Variants in NRK observed in about 807,000 individuals in gnomAD.
The protein encoded by NRK is nik-related protein kinase.
In NRK, 67 loss-of-function variants were observed where a neutral mutation model predicts 125.2. The ratio of observed to expected loss-of-function variants is 0.54; its 90% confidence interval spans 0.44 to 0.66. The LOEUF (loss-of-function observed/expected upper bound fraction) is 0.66. Ranked by LOEUF, NRK falls within the 30% of genes least tolerant of loss-of-function variation. The pLI is 0.00. For missense variants in NRK, 1,224 were observed against 1,192.9 expected, an observed-to-expected ratio of 1.03 and a Z score of -0.38; for synonymous variants, 458 against 429.0, an observed-to-expected ratio of 1.07 and a Z score of -0.84.
intron 18 of NRK, among the ~76,000 whole-genome samples, chrX:105,923,901 A>ATG (rs1465469671): frequency 1.2e-5 from 1 of 84,501 alleles, no homozygotes; most frequent in Non-Finnish European, 2.2e-5. Context: ...CTATATATAT[A>ATG]TATATATATA....
chrX:105,895,128 T>A, intron 6 of NRK: 1 of 462,176 alleles, frequency 2.2e-6, no homozygotes. Flanking sequence ...TATGGCTAGT[T>A]GGAAATACGG....
At chrX:105,892,028 A>C (rs953320637) in intron 5 of NRK, among the ~76,000 whole-genome samples, 2 of 111,843 alleles carry the variant, frequency 1.8e-5, no homozygotes, top group Non-Finnish European at 3.8e-5. Context: ...GATATGTATT[A>C]GTACTCAGTT....
intron 26 of NRK, among the ~76,000 whole-genome samples, chrX:105,947,442 C>CAAAAAAAAAAAA (rs753072138): frequency 5.6e-5 from 1 of 17,787 alleles, no homozygotes; most frequent in Non-Finnish European, 8.7e-5. Context: ...GACTCCGTCT[C>CAAAAAAAAAAAA]AAAAAAAAAA....
chrX:105,827,420 T>A (rs1158361022), intron 1 of NRK, among the ~76,000 whole-genome samples: 2 of 111,840 alleles, frequency 1.8e-5, no homozygotes, highest in Non-Finnish European at 3.8e-5. Context: ...TTTGGTTCCT[T>A]TTTCTCCTTA....
At chrX:105,901,074 A>G (rs1050149713) in intron 9 of NRK, among the ~76,000 whole-genome samples, 1 of 110,779 alleles carries the variant, frequency 9.0e-6, no homozygotes, top group Non-Finnish European at 1.9e-5. Flanking sequence ...ACACAGTGCT[A>G]CTGCCTCAGG....
intron 26 of NRK, among the ~76,000 whole-genome samples, 175 bp from the exon 27 acceptor site, chrX:105,949,396 TAAAG>T (rs1224615147): frequency 8.9e-6 from 1 of 112,217 alleles, no homozygotes; most frequent in Non-Finnish European, 1.9e-5. Flanking sequence ...ATTTATGACA[TAAAG>T]AAAGCAGCTC....
intron 5 of NRK, among the ~76,000 whole-genome samples, chrX:105,890,330 A>T (rs1260279863): frequency 9.9e-5 from 11 of 111,661 alleles, no homozygotes; most frequent in African/African-American, 2.9e-4. Context: ...GGAAGTTCCA[A>T]ACTTTCCCAC....
intron 1 of NRK, among the ~76,000 whole-genome samples, chrX:105,823,582 G>A (rs992020473): frequency 5.5e-5 from 6 of 109,271 alleles, no homozygotes; most frequent in African/African-American, 2.0e-4. Context: ...ACCAGATTTA[G>A]CTTTTTCTTG....
chrX:105,840,533 G>A (rs970021018), intron 2 of NRK, among the ~76,000 whole-genome samples: 1 of 111,167 alleles, frequency 9.0e-6, no homozygotes, highest in Non-Finnish European at 1.9e-5. Context: ...GGTGGCTTTG[G>A]TCAACCAGAT....
chrX:105,866,953 T>C (rs1277999319), intron 2 of NRK, among the ~76,000 whole-genome samples: 1 of 111,188 alleles, frequency 9.0e-6, no homozygotes, highest in East Asian at 2.8e-4. Context: ...ACACACTTCC[T>C]AACACAGTGT....
intron 2 of NRK, among the ~76,000 whole-genome samples, chrX:105,849,068 A>G (rs768314679): frequency 1.8e-5 from 2 of 111,688 alleles, no homozygotes; most frequent in African/African-American, 6.5e-5. Flanking sequence ...GTCTGTTTTC[A>G]TGCTGCTGAT....
At chrX:105,894,916 A>C (rs1185036239) in intron 6 of NRK, among the ~76,000 whole-genome samples, 1 of 112,172 alleles carries the variant, frequency 8.9e-6, no homozygotes, top group Non-Finnish European at 1.9e-5. Context: ...GTCATGGGTA[A>C]ATTTTAGTGG....
At chrX:105,903,365 A>T (rs2040183224) in intron 9 of NRK, among the ~76,000 whole-genome samples, 1 of 111,238 alleles carries the variant, frequency 9.0e-6, no homozygotes, top group African/African-American at 3.3e-5. Context: ...ACCTGAGTGC[A>T]TTGTGGCTCA....
Position 105,923,899 on chromosome X carries a change from ATATATATATATATATATATATATATATG to A in NRK, c.2975+419_2975+446del, listed in dbSNP as rs1236912233. Among the ~76,000 whole-genome samples the A allele has an allele frequency of 5.1e-3, 431 of 83,923 alleles. 3 individuals carry two copies. The highest frequency in any genetic ancestry group is 4.4e-3 in the Non-Finnish European group (202 of 45,446). 72.9% of individuals were successfully genotyped at this position (83,923 alleles called of 115,157 possible). On this transcript the variant is annotated intron_variant, in intron 18 of 28. Transcript: ENST00000243300. ...AAACTTTTGTGATATCACTATATAT[ATATATATATATATATATATATATATATG>A]TGAAATTTAAGATGATCTTTATCTG... is the stretch of plus-strand genomic sequence containing the variant.
intron 8 of NRK, among the ~76,000 whole-genome samples, chrX:105,900,151 T>TACACACAC (rs202022404): frequency 1.9e-3 from 167 of 89,403 alleles, no homozygotes; most frequent in African/African-American, 5.5e-3. Flanking sequence ...ACTGCTGAAG[T>TACACACAC]ACACACACAC....
At chrX:105,916,204 A>G (rs1240008925) in intron 15 of NRK, among the ~76,000 whole-genome samples, 2 of 111,199 alleles carry the variant, frequency 1.8e-5, no homozygotes, top group African/African-American at 3.3e-5. Flanking sequence ...CAGAATGGGT[A>G]AGCCTAAAAA....
chrX:105,918,834 A>G, intron 16 of NRK, among the ~76,000 whole-genome samples: 1 of 110,011 alleles, frequency 9.1e-6, no homozygotes, highest in African/African-American at 3.3e-5. Flanking sequence ...CTTTTATTTT[A>G]TTGTTTATGC....
intron 2 of NRK, among the ~76,000 whole-genome samples, chrX:105,873,446 C>G (rs928647088): frequency 7.2e-5 from 8 of 111,328 alleles, no homozygotes; most frequent in Non-Finnish European, 3.8e-5. Context: ...GCCTTAACAA[C>G]CCTGGGCTTT....
rs368685930 is a variant in NRK, at chrX:105,888,410, C to T, written c.369C>T (p.His123=). The change falls in exon 5 of 29, where the codon CAC becomes CAT. Residue 123 remains histidine (H), a synonymous_variant. Coordinates refer to ENST00000243300, the MANE Select transcript of NRK (RefSeq NM_198465.4). The stretch of plus-strand genomic sequence containing the variant: ...AGCTGAGTCCCCCTGGTCAGCGGCA[C>T]CAACTTTGGGTATGTTTTTAATTAC... ...FFKLSPPGQR[H]QLWMVMELCA... 33 of 1,189,989 alleles carry T rather than the reference C, an allele frequency of 2.8e-5. No homozygotes were observed. In the African/African-American group the frequency reaches 5.1e-4, roughly 19 times the overall value.
Sources: allele counts gnomAD v4.1 joint callset (sites outside exome capture counted in the v4.1 genomes callset), GRCh38; gene constraint gnomAD v4.1.1; transcripts MANE v1.5; gene names NCBI Gene and HGNC (gene_info 2026-07-23, HGNC 2026-07-21).